Variants in C1QTNF3 observed in about 807,000 individuals in gnomAD.
C1QTNF3 encodes the protein complement C1q tumor necrosis factor-related protein 3.
In C1QTNF3, 26 loss-of-function variants were observed where a neutral mutation model predicts 32.6. The observed-to-expected ratio is 0.80, with a 90% confidence interval of 0.58 to 1.11. The LOEUF is 1.11. Ranked by LOEUF, C1QTNF3 falls within the 50% of genes least tolerant of loss-of-function variation. The pLI, the probability that C1QTNF3 is intolerant of heterozygous loss-of-function variation, is 0.00. For synonymous variants in C1QTNF3, 155 were observed against 146.0 expected (o/e 1.06, Z -0.44); for missense variants, 362 against 398.2 (o/e 0.91, Z 0.77).
chr5:34,073,055 C>T, the C1QTNF3 span, among the ~76,000 whole-genome samples: 44 of 152,262 alleles, frequency 2.9e-4, no homozygotes, highest in African/African-American at 1.0e-3. Flanking sequence ...TGGCCGGGCG[C>T]GGTGACTCAC....
chr5:34,158,926 G>C, the C1QTNF3 span, among the ~76,000 whole-genome samples: 1 of 151,606 alleles, frequency 6.6e-6, no homozygotes, highest in South Asian at 2.1e-4. Context: ...ACTGAAGTGA[G>C]GGATTTAGGA....
the C1QTNF3 span, among the ~76,000 whole-genome samples, chr5:34,127,340 A>ATG: frequency 4.5e-4 from 69 of 152,206 alleles, no homozygotes; most frequent in African/African-American, 1.7e-3. Flanking sequence ...TTTGATCAAA[A>ATG]TGTCGATAGT....
chr5:34,178,457 C>A, the C1QTNF3 span, among the ~76,000 whole-genome samples: 1 of 127,806 alleles, frequency 7.8e-6, no homozygotes, highest in Non-Finnish European at 1.8e-5. Context: ...CCCTGTGTGT[C>A]AACTCCAACC....
At chr5:34,046,763 C>T (rs1313684872), upstream of C1QTNF3, among the ~76,000 whole-genome samples, 2 of 151,954 alleles carry the variant, frequency 1.3e-5, no homozygotes, top group Non-Finnish European at 2.9e-5. Flanking sequence ...ACAACAAAAA[C>T]ACTCCAGACC....
At chr5:34,214,952 T>C in the C1QTNF3 span, among the ~76,000 whole-genome samples, 2 of 152,212 alleles carry the variant, frequency 1.3e-5, no homozygotes, top group African/African-American at 4.8e-5. Context: ...ATCAGTCAAA[T>C]AAGTAGAACA....
chr5:34,071,414 C>T, the C1QTNF3 span, among the ~76,000 whole-genome samples: 1 of 151,864 alleles, frequency 6.6e-6, no homozygotes, highest in African/African-American at 2.4e-5. Context: ...ATGTTTTTCC[C>T]ACTATCAGTA....
At chr5:34,135,268 G>A in the C1QTNF3 span, among the ~76,000 whole-genome samples, 16 of 152,232 alleles carry the variant, frequency 1.1e-4, no homozygotes, top group Admixed American at 3.3e-4. Flanking sequence ...CGATGAAGCC[G>A]ATCTTATTGT....
intron 3 of C1QTNF3, among the ~76,000 whole-genome samples, chr5:34,030,595 A>C (rs1053888395): frequency 6.6e-6 from 1 of 152,222 alleles, no homozygotes; most frequent in Admixed American, 6.5e-5. Flanking sequence ...ACAAAATGTT[A>C]ACAATAATTT....
At chr5:34,080,586 CATAA>C in the C1QTNF3 span, among the ~76,000 whole-genome samples, 1 of 151,708 alleles carries the variant, frequency 6.6e-6, no homozygotes, top group African/African-American at 2.4e-5. Flanking sequence ...AGTGATGAGA[CATAA>C]ATAAATACAT....
At chr5:34,228,067 G>A in the C1QTNF3 span, among the ~76,000 whole-genome samples, 1 of 150,830 alleles carries the variant, frequency 6.6e-6, no homozygotes, top group Admixed American at 6.6e-5. Flanking sequence ...TAACTAACAT[G>A]GAAAAGTTTT....
At chr5:34,066,546 G>A in the C1QTNF3 span, among the ~76,000 whole-genome samples, 8 of 151,964 alleles carry the variant, frequency 5.3e-5, no homozygotes, top group East Asian at 1.9e-4. Context: ...AAATTGGCAC[G>A]TTTATTTTGG....
At chr5:34,155,710 T>C in the C1QTNF3 span, among the ~76,000 whole-genome samples, 3 of 152,168 alleles carry the variant, frequency 2.0e-5, no homozygotes, top group South Asian at 2.1e-4. Flanking sequence ...TTGCTAAATA[T>C]ATGGAAGTGG....
the C1QTNF3 span, among the ~76,000 whole-genome samples, chr5:34,157,626 G>C: frequency 6.6e-6 from 1 of 152,314 alleles, no homozygotes; most frequent in African/African-American, 2.4e-5. Context: ...GTCAGAAAGA[G>C]AGATGTGACT....
chr5:34,056,479 T>TATAG, the C1QTNF3 span, among the ~76,000 whole-genome samples: 161 of 51,784 alleles, frequency 3.1e-3, no homozygotes, highest in East Asian at 4.3e-3. Context: ...TATATATATA[T>TATAG]AGAGAGAGAG....
At chr5:34,127,559 A>G in the C1QTNF3 span, among the ~76,000 whole-genome samples, 165 of 150,708 alleles carry the variant, frequency 1.1e-3, no homozygotes, top group East Asian at 0.027. Flanking sequence ...GGCATTCAAG[A>G]TTTGACCTGG....
the C1QTNF3 span, among the ~76,000 whole-genome samples, chr5:34,088,409 G>A: frequency 6.6e-6 from 1 of 151,978 alleles, no homozygotes; most frequent in Non-Finnish European, 1.5e-5. Flanking sequence ...CAATCAGAAT[G>A]ATATTATAAA....
At chr5:34,217,846 TATG>T in the C1QTNF3 span, among the ~76,000 whole-genome samples, 1 of 152,094 alleles carries the variant, frequency 6.6e-6, no homozygotes, top group Admixed American at 6.6e-5. Flanking sequence ...GGGAATAAGG[TATG>T]ATTCGTTTGT....
chr5:34,133,739 A>G, the C1QTNF3 span, among the ~76,000 whole-genome samples: 1 of 152,340 alleles, frequency 6.6e-6, no homozygotes, highest in Non-Finnish European at 1.5e-5. Flanking sequence ...TTAATGATTA[A>G]TTAGAATAAT....
chr5:34,032,206 C>G (rs1211888351), intron 3 of C1QTNF3, among the ~76,000 whole-genome samples: 1 of 152,224 alleles, frequency 6.6e-6, no homozygotes, highest in East Asian at 1.9e-4. Context: ...TAGCCCTCCT[C>G]CACCTTCCAG....
Sources: allele counts gnomAD v4.1 joint callset (sites outside exome capture counted in the v4.1 genomes callset), GRCh38; gene constraint gnomAD v4.1.1; transcripts MANE v1.5; gene names NCBI Gene and HGNC (gene_info 2026-07-23, HGNC 2026-07-21).